The following PDXDC1 variants were observed in gnomAD, a reference collection of about 807,000 sequenced individuals.
PDXDC1 encodes the protein pyridoxal-dependent decarboxylase domain-containing protein 1.
A neutral mutation model predicts 100.1 loss-of-function variants in PDXDC1; 42 were observed. The ratio of observed to expected loss-of-function variants is 0.42; its 90% CI spans 0.33 to 0.54. PDXDC1 has a LOEUF of 0.54. PDXDC1 is among the 20% of genes least tolerant of loss of function. The pLI is 0.10. For missense variants in PDXDC1, 636 were observed against 979.2 expected, an observed-to-expected ratio of 0.65 and a Z score of 4.68; for synonymous variants, 260 against 371.7, an observed-to-expected ratio of 0.70 and a Z score of 3.46.
At chr16:15,111,022 G>A (rs1197228722) in intron 16 of PDXDC1, among the ~76,000 whole-genome samples, 5 of 148,698 alleles carry the variant, frequency 3.4e-5, no homozygotes, top group Admixed American at 6.7e-5. Flanking sequence ...CGAGCTACTC[G>A]GGAGGCTGAG....
intron 16 of PDXDC1, among the ~76,000 whole-genome samples, chr16:15,100,768 A>T (rs1340277253): frequency 6.6e-6 from 1 of 152,176 alleles, no homozygotes; most frequent in Non-Finnish European, 1.5e-5. Context: ...TGCTTGAGCC[A>T]GGAGCTTGAG....
At chr16:14,982,949 TA>T (rs1968335716) in intron 1 of PDXDC1, among the ~76,000 whole-genome samples, 2 of 152,278 alleles carry the variant, frequency 1.3e-5, no homozygotes, top group African/African-American at 4.8e-5. Context: ...GTAGTTAAGT[TA>T]GGAACAGCTG....
intron 16 of PDXDC1, among the ~76,000 whole-genome samples, chr16:15,089,023 C>A (rs2046015448): frequency 6.6e-6 from 1 of 152,126 alleles, no homozygotes; most frequent in Non-Finnish European, 1.5e-5. Context: ...CAAGTCTAGG[C>A]CGGGTGGAGT....
chr16:15,040,129 CTTACATT>C (rs2043744744), downstream of PDXDC1: 2 of 871,724 alleles, frequency 2.3e-6, no homozygotes, highest in Admixed American at 4.0e-5. Flanking sequence ...TCTGCACAGT[CTTACATT>C]TCTACCACCA....
chr16:14,979,477 A>T (rs1030096580), intron 1 of PDXDC1, among the ~76,000 whole-genome samples: 1 of 152,290 alleles, frequency 6.6e-6, no homozygotes, highest in African/African-American at 2.4e-5. Flanking sequence ...TTTAGTAGGG[A>T]TGGGATTTCA....
chr16:15,046,098 T>C (rs905934578), intron 16 of PDXDC1: 3 of 152,264 alleles, frequency 2.0e-5, no homozygotes, highest in Non-Finnish European at 4.4e-5. Context: ...TGGCATTGAT[T>C]ACGTCCCCCT....
chr16:14,997,041 G>T (rs1293908797), intron 1 of PDXDC1, among the ~76,000 whole-genome samples: 2 of 152,194 alleles, frequency 1.3e-5, no homozygotes, highest in Non-Finnish European at 1.5e-5. Flanking sequence ...AGGGGACCTT[G>T]TGGTTACCCC....
intron 16 of PDXDC1, chr16:15,135,321 C>T (rs1363797079): frequency 2.8e-5 from 43 of 1,533,694 alleles, no homozygotes; most frequent in East Asian, 2.7e-4. Context: ...GCCTTCCACA[C>T]GGTGAGGCTG....
chr16:15,044,268 A>G, intron 16 of PDXDC1: 1 of 1,138,730 alleles, frequency 8.8e-7, no homozygotes, highest in Non-Finnish European at 1.3e-6. Flanking sequence ...TGGGATTTTT[A>G]ACCCAAGCAA....
intron 11 of PDXDC1, among the ~76,000 whole-genome samples, 163 bp downstream of exon 11, chr16:15,017,585 T>G (rs1301383918): frequency 6.6e-6 from 1 of 152,286 alleles, no homozygotes; most frequent in Non-Finnish European, 1.5e-5. Flanking sequence ...TTAATGACAT[T>G]TTATGATTGT....
the PDXDC1 span, among the ~76,000 whole-genome samples, chr16:15,149,794 T>A: frequency 6.6e-6 from 1 of 152,014 alleles, no homozygotes; most frequent in South Asian, 2.1e-4. Flanking sequence ...GCACCAGAAG[T>A]GGCCTTTAGA....
chr16:14,998,675 C>G (rs1441014551), intron 3 of PDXDC1, among the ~76,000 whole-genome samples: 1 of 152,290 alleles, frequency 6.6e-6, no homozygotes, highest in Non-Finnish European at 1.5e-5. Flanking sequence ...TTTCTAACTC[C>G]TGACCTTCAC....
chr16:15,065,710 G>T (rs2044941061), intron 16 of PDXDC1, among the ~76,000 whole-genome samples: 1 of 152,162 alleles, frequency 6.6e-6, no homozygotes, highest in Admixed American at 6.5e-5. Context: ...AAAACTCTTA[G>T]ATTACGTAAC....
chr16:15,093,316 T>G (rs144254225), intron 16 of PDXDC1, among the ~76,000 whole-genome samples: 1,697 of 152,320 alleles, frequency 0.011, 28 homozygotes, highest in Non-Finnish European at 0.015. Context: ...GATTTTTGTC[T>G]TCATTCAAGT....
intron 16 of PDXDC1, among the ~76,000 whole-genome samples, chr16:15,084,916 A>C (rs550593443): frequency 2.0e-5 from 3 of 152,228 alleles, no homozygotes; most frequent in African/African-American, 4.8e-5. Flanking sequence ...AAATACAAAA[A>C]TTAGCCAGGC....
intron 16 of PDXDC1, chr16:15,048,209 T>TCC (rs1450086784): frequency 1.4e-6 from 1 of 691,778 alleles, no homozygotes; most frequent in Non-Finnish European, 2.5e-6. Context: ...CGCTAGTGTG[T>TCC]GGGGAGTGTG....
intron 16 of PDXDC1, chr16:15,121,945 A>C (rs1438192751): frequency 7.7e-6 from 2 of 259,664 alleles, no homozygotes; most frequent in Non-Finnish European, 1.6e-5. Context: ...GATGGAGACT[A>C]TCCTGGCGAA....
At chr16:15,062,183 T>A (rs1212257758) in intron 16 of PDXDC1, among the ~76,000 whole-genome samples, 1 of 152,140 alleles carries the variant, frequency 6.6e-6, no homozygotes, top group Non-Finnish European at 1.5e-5. Flanking sequence ...CTCCCTCTGA[T>A]AAGCACTTCC....
intron 16 of PDXDC1, chr16:15,094,534 T>C: frequency 4.1e-6 from 2 of 484,324 alleles, no homozygotes; most frequent in Non-Finnish European, 7.3e-6. Flanking sequence ...TGCTAAGCTG[T>C]GGCCGGGTAC....
Sources: allele counts gnomAD v4.1 joint callset (sites outside exome capture counted in the v4.1 genomes callset), GRCh38; gene constraint gnomAD v4.1.1; transcripts MANE v1.5; gene names NCBI Gene and HGNC (gene_info 2026-07-23, HGNC 2026-07-21).